Variants in RYR3 observed in about 807,000 individuals in gnomAD.
RYR3 encodes the protein ryanodine receptor 3, also known as brain ryanodine receptor-calcium release channel.
RYR3 carries 207 observed loss-of-function variants against 584.3 expected under a neutral mutation model. The observed-to-expected ratio is 0.35, with a 90% confidence interval of 0.32 to 0.40. The LOEUF (loss-of-function observed/expected upper bound fraction) is 0.40. Among genes scored for constraint, RYR3 ranks in the 10% least tolerant of loss-of-function variants. The pLI, the probability that RYR3 is intolerant of heterozygous loss-of-function variation, is 1.00. For synonymous variants in RYR3, 2,416 were observed against 2,248.5 expected, an observed-to-expected ratio of 1.07 and a Z score of -2.11; for missense variants, 5,616 against 6,089.2, an observed-to-expected ratio of 0.92 and a Z score of 2.59.
At chr15:33,703,838 T>C (rs892883577) in intron 42 of RYR3, among the ~76,000 whole-genome samples, 1 of 152,198 alleles carries the variant, frequency 6.6e-6, no homozygotes, top group Non-Finnish European at 1.5e-5. Context: ...ATGGACTTCA[T>C]TGGGTCCCTT....
At chr15:33,548,483 A>G (rs76713288) in intron 9 of RYR3, among the ~76,000 whole-genome samples, 3,419 of 152,350 alleles carry the variant, frequency 0.022, 51 homozygotes, top group Non-Finnish European at 0.035. Context: ...AAGCCATCCA[A>G]GTTCTCCCAT....
intron 20 of RYR3, among the ~76,000 whole-genome samples, chr15:33,628,241 C>T (rs2061092853): frequency 6.6e-6 from 1 of 151,966 alleles, no homozygotes; most frequent in African/African-American, 2.4e-5. Context: ...AACACATACA[C>T]CTACAGAAAA....
Position 33,724,110 on chromosome 15 carries a change from C to G in RYR3, c.6846C>G (p.Gly2282=). The G allele has an allele frequency of 2.5e-6, 4 of 1,612,548 alleles. No individual in the cohort carries two copies. In the African/African-American group the frequency reaches 4.0e-5, roughly 16 times the overall value. The change falls in exon 45 of 104, where the codon GGC becomes GGG. Residue 2282 remains glycine, a synonymous_variant. Transcript: ENST00000634891. Reference sequence around the variant, plus strand: ...AGGAAGAAGAAATCGTGCATATGGGCAATGCAATTATGTCATTTTATTCGG... The same window carrying G: ...AGGAAGAAGAAATCGTGCATATGGGGAATGCAATTATGTCATTTTATTCGG... ...DEEEEEIVHM[G]NAIMSFYSAL... is the part of the protein sequence containing the mutation.
At chr15:33,839,052 G>A in intron 89 of RYR3, 94 bp downstream of exon 89, 2 of 1,440,030 alleles carry the variant, frequency 1.4e-6, no homozygotes, top group Non-Finnish European at 1.9e-6. Context: ...TTCCCTAGGA[G>A]CCAACACTCT....
In RYR3 at chr15:33,845,043, T is replaced by C. The variant is rs776737532; in HGVS notation, c.13478T>C (p.Val4493Ala). The C allele has an allele frequency of 6.2e-7, 1 of 1,614,000 alleles. No homozygotes were observed. The highest frequency in any genetic ancestry group is 8.5e-7 in the Non-Finnish European group (1 of 1,179,894). The change falls in exon 93 of 104, where the codon GTG becomes GCG. Residue 4493 changes from valine to alanine, a missense_variant. Val to Ala is a moderately conservative substitution (Grantham distance 64). Coordinates refer to ENST00000634891, the MANE Select transcript of RYR3 (RefSeq NM_001036.6). ...IHTIISLVCV[V>A]GYYCLKVPLV... Reference sequence around the variant, plus strand: ...ACCATCATCTCTCTAGTCTGTGTGGTGGGCTACTACTGCCTGAAGGTGAGC... The same window carrying C: ...ACCATCATCTCTCTAGTCTGTGTGGCGGGCTACTACTGCCTGAAGGTGAGC...
At chr15:33,641,657 C>G (rs757978965) in intron 27 of RYR3, among the ~76,000 whole-genome samples, 2 of 152,152 alleles carry the variant, frequency 1.3e-5, no homozygotes, top group Non-Finnish European at 2.9e-5. Context: ...TTTCTCTTTT[C>G]TGACTCAAGC....
intron 1 of RYR3, among the ~76,000 whole-genome samples, chr15:33,355,048 G>C (rs1308018767): frequency 6.6e-6 from 1 of 152,084 alleles, no homozygotes; most frequent in Non-Finnish European, 1.5e-5. Flanking sequence ...GCCGGGCGTG[G>C]TGGTACACGC....
At chr15:33,358,081 G>A (rs1212199815) in intron 1 of RYR3, among the ~76,000 whole-genome samples, 3 of 152,234 alleles carry the variant, frequency 2.0e-5, no homozygotes, top group Non-Finnish European at 4.4e-5. Flanking sequence ...AGCTGGTAGA[G>A]TAGAGTCATG....
intron 14 of RYR3, 30 bp from the exon 15 acceptor site, chr15:33,584,365 C>T (rs1223658876): frequency 1.5e-6 from 2 of 1,294,528 alleles, no homozygotes; most frequent in Non-Finnish European, 2.2e-6. Flanking sequence ...ATCCTTTAAC[C>T]TCTATGATCA....
At chr15:33,475,231 G>C (rs890452037) in intron 2 of RYR3, among the ~76,000 whole-genome samples, 1 of 152,162 alleles carries the variant, frequency 6.6e-6, no homozygotes, top group Admixed American at 6.5e-5. Flanking sequence ...AATCCAATGG[G>C]AAGTGTGTTG....
chr15:33,516,066 A>G (rs995148204), intron 3 of RYR3, among the ~76,000 whole-genome samples: 3 of 152,154 alleles, frequency 2.0e-5, no homozygotes, highest in African/African-American at 7.2e-5. Context: ...AAAAACCTTT[A>G]TTATGATATT....
At chr15:33,624,290 A>G (rs1366232319) in intron 20 of RYR3, among the ~76,000 whole-genome samples, 1 of 152,214 alleles carries the variant, frequency 6.6e-6, no homozygotes, top group Non-Finnish European at 1.5e-5. Flanking sequence ...GGAATTCTCA[A>G]CCAAGTTAAA....
chr15:33,865,193 C>T lies in RYR3; in HGVS notation c.14580C>T (p.Cys4860=), dbSNP rs772829125. The change falls in exon 104 of 104, where the codon TGC becomes TGT. Residue 4860 remains cysteine, a synonymous_variant. Transcript: ENST00000634891. ...RCWDFFPAGD[C]FRKQYEDQLG ...GGGATTTCTTCCCAGCCGGTGACTG[C>T]TTTCGTAAACAATATGAAGATCAGC... 2.5e-6 allele frequency: 4 copies of T among 1,613,778 alleles called. No individual in the cohort carries two copies. In the South Asian group the frequency reaches 4.4e-5, roughly 18 times the overall value.
At position 33,838,864 on chromosome 15, in the gene RYR3, G is replaced by T. The variant is rs376839056; in HGVS notation, c.12884G>T (p.Gly4295Val). Reference protein sequence around the residue: ...HPKKEGSLKHGPEVGLGDLSE... With the variant: ...HPKKEGSLKHVPEVGLGDLSE... ...AAGAAAGAGGGCAGCTTAAAGCATG[G>T]GCCTGAAGTGGGTTTGGGTGACCTC... Residue 4295 changes from glycine (G) to valine (V), a missense_variant, in exon 89 of 104, where the codon GGG becomes GTG. Around this residue, in one of 9 missense-constraint regions of RYR3, gnomAD observed 918 missense variants for 887.4 expected, o/e 1.03. Transcript: ENST00000634891. The T allele has an allele frequency of 5.0e-5, 81 of 1,613,824 alleles. 1 individual carries two copies. The highest frequency in any genetic ancestry group is 6.4e-5 in the Non-Finnish European group (76 of 1,179,862).
intron 10 of RYR3, among the ~76,000 whole-genome samples, chr15:33,553,601 CAA>C (rs2056848099): frequency 6.6e-4 from 3 of 4,526 alleles, no homozygotes; most frequent in African/African-American, 8.5e-3. Flanking sequence ...GAATAAGGAG[CAA>C]GGAGCAGGAT....
chr15:33,605,919 T>C (rs561606967), intron 18 of RYR3, among the ~76,000 whole-genome samples: 1 of 152,352 alleles, frequency 6.6e-6, no homozygotes, highest in East Asian at 1.9e-4. Context: ...ATTATTCTCC[T>C]TTTATTTGAG....
chr15:33,696,086 C>T, intron 38 of RYR3, 132 bp from the exon 39 acceptor site: 1 of 776,808 alleles, frequency 1.3e-6, no homozygotes. Context: ...TGAGCCACTG[C>T]ACATTGCCTA....
At chr15:33,446,218 C>T (rs909882400) in intron 1 of RYR3, among the ~76,000 whole-genome samples, 3 of 152,188 alleles carry the variant, frequency 2.0e-5, no homozygotes, top group Admixed American at 1.3e-4. Context: ...TAGTGTTCTC[C>T]TCGCAAGGAC....
chr15:33,414,389 A>G (rs11858356), intron 1 of RYR3, among the ~76,000 whole-genome samples: 3,049 of 152,198 alleles, frequency 0.02, 91 homozygotes, highest in African/African-American at 0.063. Flanking sequence ...AAGAGAAAAA[A>G]AGACTGTGCT....
Sources: allele counts gnomAD v4.1 joint callset (sites outside exome capture counted in the v4.1 genomes callset), GRCh38; gene constraint gnomAD v4.1.1; regional missense constraint gnomAD v4.1.1; transcripts MANE v1.5; gene names NCBI Gene and HGNC (gene_info 2026-07-23, HGNC 2026-07-21).